The following HLF variants were observed in gnomAD, a reference collection of about 807,000 sequenced individuals.
The protein encoded by HLF is hepatic leukemia factor.
In HLF, 3 loss-of-function variants were observed where a neutral mutation model predicts 22.6. The ratio of observed to expected loss-of-function variants is 0.13; its 90% CI spans 0.06 to 0.34. The LOEUF is 0.34. Among genes scored for constraint, HLF ranks in the 10% least tolerant of loss-of-function variants. The probability of loss-of-function intolerance (pLI) is 1.00; values close to 1 mark genes in which losing one functional copy is unlikely to be tolerated. For synonymous variants in HLF, 151 were observed against 151.8 expected, an observed-to-expected ratio of 0.99 and a Z score of 0.04; for missense variants, 299 against 389.2, an observed-to-expected ratio of 0.77 and a Z score of 1.95.
intron 2 of HLF, among the ~76,000 whole-genome samples, chr17:55,273,901 C>T (rs1169176678): frequency 6.6e-6 from 1 of 152,126 alleles, no homozygotes; most frequent in Admixed American, 6.5e-5. Context: ...CCTGTTCTGT[C>T]CAACATTCTA....
chr17:55,294,578 C>T (rs909248048), intron 2 of HLF, among the ~76,000 whole-genome samples: 4 of 152,170 alleles, frequency 2.6e-5, no homozygotes, highest in East Asian at 1.9e-4. Flanking sequence ...GCAAGTTGTA[C>T]GAGCAAAGCA....
chr17:55,302,377 A>G (rs982755510), intron 2 of HLF, among the ~76,000 whole-genome samples: 3 of 152,272 alleles, frequency 2.0e-5, no homozygotes, highest in African/African-American at 7.2e-5. Context: ...CATGCGGGAA[A>G]GAATCTGTGG....
chr17:55,311,577 TTG>T (rs1904832153), intron 2 of HLF, among the ~76,000 whole-genome samples: 1 of 152,122 alleles, frequency 6.6e-6, no homozygotes, highest in Admixed American at 6.6e-5. Flanking sequence ...AAAAATCATA[TTG>T]TGTGACACGT....
At chr17:55,319,275 T>C (rs535461922) in intron 3 of HLF, among the ~76,000 whole-genome samples, 17 of 152,248 alleles carry the variant, frequency 1.1e-4, no homozygotes, top group South Asian at 1.0e-3. Flanking sequence ...CCTTAGACTT[T>C]CCTTGCAGCT....
chr17:55,318,498 G>A (rs1905150741), intron 3 of HLF, among the ~76,000 whole-genome samples: 1 of 152,154 alleles, frequency 6.6e-6, no homozygotes, highest in Non-Finnish European at 1.5e-5. Flanking sequence ...GAAGTCAGCT[G>A]GTGACTCCCT....
intron 2 of HLF, among the ~76,000 whole-genome samples, chr17:55,273,294 A>G (rs1327916396): frequency 1.3e-5 from 2 of 152,186 alleles, no homozygotes; most frequent in African/African-American, 4.8e-5. Context: ...AGGGTTAAAT[A>G]AGATCGCATG....
intron 2 of HLF, among the ~76,000 whole-genome samples, chr17:55,276,166 T>C (rs1472916627): frequency 6.6e-6 from 1 of 152,096 alleles, no homozygotes; most frequent in Non-Finnish European, 1.5e-5. Flanking sequence ...AAGAGCAAGG[T>C]GTATGGTCCC....
Position 55,321,376 on chromosome 17 carries a change from A to C in HLF, c.*497A>C, listed in dbSNP as rs780313775. On this transcript the variant is annotated 3_prime_UTR_variant, in exon 4 of 4. Transcript: ENST00000226067. ...AAGTTACCATGCTAATGAGGTGCAC[A>C]CAATAACTTAGCACTACTCCGCAGC... The C allele has an allele frequency of 6.3e-5, 15 of 237,052 alleles. No homozygotes were observed. Among genetic ancestry groups the C allele is most frequent in the Non-Finnish European group, 1.1e-4 (13 of 120,084 alleles). The allele number at this position is 237,052 out of a possible 1,614,324, so 14.7% of individuals were successfully genotyped here.
rs749851297 is a variant in HLF, at chr17:55,267,821, G to A, written c.186G>A (p.Ser62=). The change falls in exon 2 of 4, where the codon TCG becomes TCA. Residue 62 remains serine (S), a synonymous_variant. Coordinates refer to ENST00000226067, the MANE Select transcript of HLF (RefSeq NM_002126.5). ...DESNSPTVPQ[S]AFLGPTLWDK... is the part of the protein sequence containing the mutation. Reference sequence around the variant, plus strand: ...GTAACAGCCCGACGGTCCCCCAGTCGGCATTCCTGGGGCCTACCTTATGGG... The same window carrying A: ...GTAACAGCCCGACGGTCCCCCAGTCAGCATTCCTGGGGCCTACCTTATGGG... 4.3e-6 allele frequency: 7 copies of A among 1,612,038 alleles called. No homozygotes were observed. In the East Asian group the frequency reaches 6.7e-5, roughly 15 times the overall value.
intron 2 of HLF, among the ~76,000 whole-genome samples, chr17:55,314,261 G>A (rs1904974605): frequency 1.3e-5 from 2 of 152,288 alleles, no homozygotes; most frequent in East Asian, 3.9e-4. Flanking sequence ...CAGTGGTTTT[G>A]CCTGTAGGAC....
intron 2 of HLF, among the ~76,000 whole-genome samples, chr17:55,297,109 C>G (rs913212985): frequency 1.3e-5 from 2 of 152,172 alleles, no homozygotes; most frequent in African/African-American, 4.8e-5. Context: ...AATTGAATGA[C>G]CCATTTCTTC....
chr17:55,319,859 T>C (rs1905204096), intron 3 of HLF, among the ~76,000 whole-genome samples: 1 of 152,212 alleles, frequency 6.6e-6, no homozygotes, highest in Non-Finnish European at 1.5e-5. Flanking sequence ...GCTCCACCTT[T>C]ATAGATTAGT....
intron 2 of HLF, among the ~76,000 whole-genome samples, chr17:55,313,852 G>C (rs1296162832): frequency 2.0e-5 from 3 of 152,112 alleles, no homozygotes; most frequent in Non-Finnish European, 4.4e-5. Context: ...AAAGCAGAGT[G>C]GGACCTAGAA....
intron 2 of HLF, among the ~76,000 whole-genome samples, chr17:55,271,191 A>G (rs370419312): frequency 2.0e-4 from 31 of 152,364 alleles, no homozygotes; most frequent in Admixed American, 9.1e-4. Context: ...ACTACCTGCA[A>G]TGCTTTATGG....
At chr17:55,276,537 TG>T (rs2080905851) in intron 2 of HLF, among the ~76,000 whole-genome samples, 1 of 152,114 alleles carries the variant, frequency 6.6e-6, no homozygotes, top group African/African-American at 2.4e-5. Context: ...TAGCCTGTGA[TG>T]GGCCCGGAAG....
At chr17:55,277,341 C>T (rs2080914931) in intron 2 of HLF, among the ~76,000 whole-genome samples, 1 of 149,920 alleles carries the variant, frequency 6.7e-6, no homozygotes, top group South Asian at 2.1e-4. Flanking sequence ...AGGTTAATGT[C>T]TCAGTGATAC....
At chr17:55,317,971 T>C (rs1256517838) in intron 3 of HLF, among the ~76,000 whole-genome samples, 1 of 152,326 alleles carries the variant, frequency 6.6e-6, no homozygotes, top group East Asian at 1.9e-4. Context: ...AATGCTAGTG[T>C]GTGCCAACCC....
Position 55,322,254 on chromosome 17 carries a change from G to A in HLF, c.*1375G>A, listed in dbSNP as rs1229951341. 1.5e-5 allele frequency: 3 copies of A among 197,692 alleles called. No homozygotes were observed. Among genetic ancestry groups the A allele is most frequent in the African/African-American group, 2.3e-5 (1 of 43,370 alleles). The allele number at this position is 197,692 out of a possible 1,614,324, so 12.2% of individuals were successfully genotyped here. A position where few individuals can be genotyped will look rare whatever the true frequency, so the allele number is the denominator to read the frequency against. The stretch of plus-strand genomic sequence containing the variant: ...TGTGGTTAATCCAATCAATTTAAAT[G>A]TTTACTATAGACCAAAAGGAGAGAT... On this transcript the variant is annotated 3_prime_UTR_variant, in exon 4 of 4. Transcript: ENST00000226067.
chr17:55,286,274 A>G (rs2081003172), intron 2 of HLF, among the ~76,000 whole-genome samples: 1 of 152,098 alleles, frequency 6.6e-6, no homozygotes, highest in South Asian at 2.1e-4. Context: ...TGACTTGTCT[A>G]TTTTTATTTC....
Sources: gnomAD v4.1 joint callset for allele counts (sites outside exome capture counted in the v4.1 genomes callset) on GRCh38, gnomAD v4.1.1 for gene constraint, MANE v1.5 for transcripts, NCBI Gene and HGNC (gene_info 2026-07-23, HGNC 2026-07-21) for gene names.